The following FREM1 variants were observed in gnomAD, a reference collection of about 807,000 sequenced individuals.
FREM1 encodes FRAS1 related extracellular matrix 1.
FREM1 carries 220 observed loss-of-function variants against 210.1 expected under a neutral mutation model. That is an observed-to-expected ratio of 1.05 (90% CI 0.94 to 1.17). The LOEUF (loss-of-function observed/expected upper bound fraction) is 1.17. FREM1 is among the 50% of genes most tolerant of loss of function. FREM1 has a pLI of 0.00. For missense variants in FREM1, 3,454 were observed against 2,675.5 expected (o/e 1.29, Z -6.42); for synonymous variants, 1,189 against 980.2 (o/e 1.21, Z -3.98).
At chr9:14,849,922 G>A (rs544783821) in intron 6 of FREM1, among the ~76,000 whole-genome samples, 62 of 152,322 alleles carry the variant, frequency 4.1e-4, no homozygotes, top group African/African-American at 1.5e-3. Flanking sequence ...GGGAAGGCAT[G>A]GGGGGCCACA....
chr9:14,894,019 C>A (rs1837294300), intron 1 of FREM1, among the ~76,000 whole-genome samples: 1 of 152,046 alleles, frequency 6.6e-6, no homozygotes, highest in Non-Finnish European at 1.5e-5. Flanking sequence ...AGAATCTTAC[C>A]TTATGGTTCA....
rs7855357 is a variant in FREM1, at chr9:14,813,186, C to T, written c.2641-122G>A. ...TTCATCTTACAGACACATGAAACAA[C>T]AGCCGTGAAATTTGGCCAAGTAATC... is the stretch of plus-strand genomic sequence containing the variant. On this transcript the variant is annotated intron_variant, in intron 15 of 36. Transcript: ENST00000380880. The T allele has an allele frequency of 7.7e-3, 8,472 of 1,100,924 alleles. 339 individuals carry two copies. The African/African-American group carries it at 0.11, about 14-fold the overall frequency. The allele number at this position is 1,100,924 out of a possible 1,614,324, so 68.2% of individuals were successfully genotyped here.
intron 29 of FREM1, 83 bp from the exon 30 acceptor site, chr9:14,750,359 C>T: frequency 9.0e-7 from 1 of 1,113,470 alleles, no homozygotes; most frequent in Non-Finnish European, 1.3e-6. Context: ...ATTAACATGT[C>T]TACAGCTAGA....
chr9:14,806,408 A>G (rs930329319), intron 18 of FREM1, among the ~76,000 whole-genome samples: 2 of 152,098 alleles, frequency 1.3e-5, no homozygotes, highest in African/African-American at 4.8e-5. Context: ...GGCATATGCC[A>G]CCACACCTGG....
chr9:14,885,296 T>G (rs1165250362), intron 1 of FREM1, among the ~76,000 whole-genome samples: 1 of 152,190 alleles, frequency 6.6e-6, no homozygotes, highest in Non-Finnish European at 1.5e-5. Context: ...ACATAAGCAA[T>G]GGAACATTTT....
chr9:14,809,415 A>C (rs1818981455), intron 16 of FREM1, among the ~76,000 whole-genome samples: 1 of 152,192 alleles, frequency 6.6e-6, no homozygotes, highest in Non-Finnish European at 1.5e-5. Context: ...TTTTCAGCAG[A>C]CACTCTGGTC....
intron 16 of FREM1, among the ~76,000 whole-genome samples, chr9:14,809,879 G>GATGT (rs111568448): frequency 0.021 from 3,104 of 150,468 alleles, 83 homozygotes; most frequent in African/African-American, 0.063. Flanking sequence ...GAATAGCACA[G>GATGT]ATGTATGTAT....
At chr9:14,886,376 C>T (rs1432953156) in intron 1 of FREM1, among the ~76,000 whole-genome samples, 3 of 97,218 alleles carry the variant, frequency 3.1e-5, no homozygotes, top group African/African-American at 1.3e-4. Context: ...CAGAGTGAGA[C>T]TCCGACTCAA....
chr9:14,793,613 G>A (rs1208426576), intron 21 of FREM1, among the ~76,000 whole-genome samples: 3 of 152,142 alleles, frequency 2.0e-5, no homozygotes, highest in Non-Finnish European at 4.4e-5. Flanking sequence ...TCGCCAAAGT[G>A]AGAAAGGGAT....
At chr9:14,893,836 T>C (rs1837269715) in intron 1 of FREM1, among the ~76,000 whole-genome samples, 1 of 152,168 alleles carries the variant, frequency 6.6e-6, no homozygotes, top group Non-Finnish European at 1.5e-5. Flanking sequence ...TGTGGAAGGT[T>C]TGTAAAAAAT....
At chr9:14,888,662 T>C (rs1465687436) in intron 1 of FREM1, among the ~76,000 whole-genome samples, 1 of 152,180 alleles carries the variant, frequency 6.6e-6, no homozygotes, top group Non-Finnish European at 1.5e-5. Flanking sequence ...ATTAAATGTG[T>C]GTTGACTCAC....
chr9:14,878,922 G>A (rs550199747), intron 1 of FREM1, among the ~76,000 whole-genome samples: 6 of 152,194 alleles, frequency 3.9e-5, no homozygotes, highest in African/African-American at 9.6e-5. Context: ...TGGGGAGGCC[G>A]AGGCAGGCAG....
intron 35 of FREM1, among the ~76,000 whole-genome samples, chr9:14,743,845 G>C (rs1238886566): frequency 6.6e-6 from 1 of 151,980 alleles, no homozygotes; most frequent in East Asian, 1.9e-4. Flanking sequence ...AGTTTAGATA[G>C]CTTTTGATCA....
chr9:14,876,465 C>T (rs1419287783), intron 1 of FREM1, among the ~76,000 whole-genome samples: 5 of 152,104 alleles, frequency 3.3e-5, no homozygotes, highest in Non-Finnish European at 7.3e-5. Flanking sequence ...ACTCCGTGGG[C>T]GTAGGACCCT....
rs1818072677 is a variant in FREM1, at chr9:14,804,905, TA to T, written c.3471+50del. On this transcript the variant is annotated intron_variant, in intron 19 of 36. Coordinates refer to ENST00000380880, the MANE Select transcript of FREM1 (RefSeq NM_001379081.2). ...GCAATGTAAATGGACTAATTGAAAATAAAAATCAAAATGATAAAAGAGAAAT... is the reference window on the plus strand; with the variant it reads ...GCAATGTAAATGGACTAATTGAAAATAAAATCAAAATGATAAAAGAGAAAT... The T allele has an allele frequency of 5.6e-6, 8 of 1,427,368 alleles. No individual in the cohort carries two copies. The African/African-American group carries it at 1.1e-4, about 20-fold the overall frequency. The allele number at this position is 1,427,368 out of a possible 1,614,324, so 88.4% of individuals were successfully genotyped here.
chr9:14,826,050 A>C (rs1245109016), intron 10 of FREM1, among the ~76,000 whole-genome samples: 1 of 151,346 alleles, frequency 6.6e-6, no homozygotes, highest in Non-Finnish European at 1.5e-5. Context: ...GAATATCCAA[A>C]CTCCTTAGCA....
chr9:14,842,352 CAGCCTGTGGAG>C lies in FREM1; in HGVS notation c.1691_1701del (p.Pro564ArgfsTer26), dbSNP rs1311477767. On this transcript the variant is annotated frameshift_variant, in exon 9 of 37. Transcript: ENST00000380880. LOFTEE classifies it high-confidence loss of function. ...GGCCCTGGCTTCTTCATGATCTCCCCAGCCTGTGGAGGCTTTGTGATATTGAAGAAGATGTA... is the reference window on the plus strand; with the variant it reads ...GGCCCTGGCTTCTTCATGATCTCCCCGCTTTGTGATATTGAAGAAGATGTA... The C allele has an allele frequency of 6.2e-7, 1 of 1,603,438 alleles. No individual in the cohort carries two copies. The highest frequency in any genetic ancestry group is 8.5e-7 in the Non-Finnish European group (1 of 1,173,506).
intron 27 of FREM1, among the ~76,000 whole-genome samples, chr9:14,767,999 T>A (rs969351246): frequency 6.6e-6 from 1 of 152,224 alleles, no homozygotes; most frequent in Non-Finnish European, 1.5e-5. Context: ...TTTAAGGTTA[T>A]AATTAAATTA....
At chr9:14,779,491 G>A (rs1849293188) in intron 24 of FREM1, 3 of 985,098 alleles carry the variant, frequency 3.0e-6, no homozygotes, top group South Asian at 4.7e-5. Flanking sequence ...CATCAGAGGC[G>A]GCCATCTTGA....
Sources: gnomAD v4.1 joint callset for allele counts (sites outside exome capture counted in the v4.1 genomes callset) on GRCh38, gnomAD v4.1.1 for gene constraint, MANE v1.5 for transcripts, NCBI Gene and HGNC (gene_info 2026-07-23, HGNC 2026-07-21) for gene names.